The following AGBL1 variants were observed in gnomAD, a reference collection of about 807,000 sequenced individuals.
The protein encoded by AGBL1 is cytosolic carboxypeptidase 4.
In AGBL1, 130 loss-of-function variants were observed where a neutral mutation model predicts 118.9. The ratio of observed to expected loss-of-function variants is 1.09; its 90% confidence interval spans 0.95 to 1.26. The LOEUF (loss-of-function observed/expected upper bound fraction) is 1.26. Ranked by LOEUF, AGBL1 falls within the 50% of genes most tolerant of loss-of-function variation. The pLI is 0.00. For missense variants in AGBL1, 1,584 were observed against 1,298.1 expected (o/e 1.22, Z -3.38); for synonymous variants, 555 against 478.9 (o/e 1.16, Z -2.08).
rs148262880 is a variant in AGBL1, at chr15:86,320,587, T to C, written c.2374+25179T>C. 4.1e-3 allele frequency among the ~76,000 whole-genome samples: 631 copies of C among 152,276 alleles called. 6 individuals carry two copies. Among genetic ancestry groups the C allele is most frequent in the African/African-American group, 0.014 (589 of 41,556 alleles). The stretch of plus-strand genomic sequence containing the variant: ...CTTTGCTTCTGTTATATTCTTTATT[T>C]TCTCTTTTTTATGATTCAGAACAAT... On this transcript the variant is annotated intron_variant, in intron 17 of 22. Coordinates refer to ENST00000614907, the MANE Select transcript of AGBL1 (RefSeq NM_001386094.1).
intron 24 of AGBL1, among the ~76,000 whole-genome samples, chr15:87,005,299 T>A (rs2081486707): frequency 1.3e-5 from 2 of 152,200 alleles, no homozygotes. Context: ...CAACTTGGTT[T>A]CATTCTCCCT....
chr15:86,664,279 G>A (rs1029037899), intron 21 of AGBL1, among the ~76,000 whole-genome samples: 2 of 152,174 alleles, frequency 1.3e-5, no homozygotes, highest in Admixed American at 1.3e-4. Context: ...AAGCATTAGA[G>A]TCCATTTGTT....
At chr15:86,093,541 C>T (rs886809376) in intron 1 of AGBL1, among the ~76,000 whole-genome samples, 11 of 152,096 alleles carry the variant, frequency 7.2e-5, no homozygotes, top group South Asian at 2.1e-4. Flanking sequence ...AAATTTTTGA[C>T]AGTGAACTAC....
At position 86,915,711 on chromosome 15, in the gene AGBL1, A is replaced by G. The variant is rs77573051; in HGVS notation, c.*8417A>G. 6,729 of 152,282 alleles carry G rather than the reference A, an allele frequency of 0.044. 174 individuals are homozygous for G. Among genetic ancestry groups the G allele is most frequent in the Non-Finnish European group, 0.064 (4,383 of 68,018 alleles). The allele number at this position is 152,282 out of a possible 1,614,324, so 9.4% of individuals were successfully genotyped here. On this transcript the variant is annotated 3_prime_UTR_variant, in exon 23 of 23. Transcript: ENST00000614907. The stretch of plus-strand genomic sequence containing the variant: ...CAAAGACAATTTTGTTCACTGCTAC[A>G]TCCTGAGAGCCTAGCATCGTGCCCA...
intron 22 of AGBL1, among the ~76,000 whole-genome samples, chr15:86,771,868 C>G (rs2078187130): frequency 1.3e-5 from 2 of 151,954 alleles, no homozygotes; most frequent in South Asian, 4.1e-4. Context: ...CCTAAGGCTG[C>G]TGGATGGGGA....
At chr15:86,768,617 A>G (rs1567164941) in intron 22 of AGBL1, among the ~76,000 whole-genome samples, 1 of 151,948 alleles carries the variant, frequency 6.6e-6, no homozygotes. Context: ...GGGAAGCCTG[A>G]CCTGACAACC....
At chr15:86,253,140 T>G (rs1442705798) in intron 7 of AGBL1, among the ~76,000 whole-genome samples, 1 of 152,008 alleles carries the variant, frequency 6.6e-6, no homozygotes, top group Non-Finnish European at 1.5e-5. Flanking sequence ...GGCAGAGCAT[T>G]GTGAGTAAGG....
At chr15:86,203,010 G>A (rs1243897947) in intron 5 of AGBL1, among the ~76,000 whole-genome samples, 24 of 152,120 alleles carry the variant, frequency 1.6e-4, no homozygotes. Flanking sequence ...CATGAGCCCA[G>A]GAGTTCAAGG....
At position 86,533,229 on chromosome 15, in the gene AGBL1, A is replaced by G. The variant is rs2083374915; in HGVS notation, c.2685+10290A>G. On this transcript the variant is annotated intron_variant, in intron 19 of 22. Coordinates refer to ENST00000614907, the MANE Select transcript of AGBL1 (RefSeq NM_001386094.1). ...CCTACTCATCTGACAAAGGGCTAAT[A>G]TCCAGAATCTACAATGAACTCAAAC... Among the ~76,000 whole-genome samples the G allele has an allele frequency of 2.3e-5, 2 of 87,592 alleles. 1 individual carries two copies. The highest frequency in any genetic ancestry group is 7.3e-4 in the South Asian group (2 of 2,738). 57.5% of individuals were successfully genotyped at this position (87,592 alleles called of 152,430 possible).
chr15:86,306,547 C>G (rs1460009081), intron 17 of AGBL1, among the ~76,000 whole-genome samples: 3 of 151,990 alleles, frequency 2.0e-5, no homozygotes, highest in Non-Finnish European at 4.4e-5. Context: ...ACCACGTTTT[C>G]TTTATTCATT....
intron 5 of AGBL1, among the ~76,000 whole-genome samples, chr15:86,176,148 G>A (rs2077478949): frequency 6.6e-6 from 1 of 152,206 alleles, no homozygotes; most frequent in African/African-American, 2.4e-5. Flanking sequence ...GGGTAGAGCA[G>A]GTTAATCTCC....
chr15:86,270,691 T>G (rs1597658439), intron 14 of AGBL1, among the ~76,000 whole-genome samples: 3 of 152,190 alleles, frequency 2.0e-5, no homozygotes, highest in Non-Finnish European at 2.9e-5. Flanking sequence ...TATTTTGTAG[T>G]GACTAAACAG....
chr15:86,615,502 G>A lies in AGBL1; in HGVS notation c.2995-58771G>A, dbSNP rs548099950. On this transcript the variant is annotated intron_variant, in intron 21 of 22. Transcript: ENST00000614907. This position sits in a 1 kb window ranked among gnomAD's most constrained non-coding sequence, Gnocchi z 4.3. ...CACAAATTGCAGGAACAGATGTAGA[G>A]GAAATGAAAAATATTCCTTGTGCTA... is the stretch of plus-strand genomic sequence containing the variant. 6.6e-5 allele frequency among the ~76,000 whole-genome samples: 10 copies of A among 152,292 alleles called. No individual in the cohort carries two copies. The South Asian group carries it at 2.1e-3, about 32-fold the overall frequency.
chr15:86,874,983 A>G (rs2079786702), intron 22 of AGBL1, among the ~76,000 whole-genome samples: 1 of 152,130 alleles, frequency 6.6e-6, no homozygotes. Context: ...TAGGGACCTG[A>G]CAAGTGACAA....
chr15:86,904,601 T>C (rs2080256182), intron 22 of AGBL1, among the ~76,000 whole-genome samples: 1 of 148,508 alleles, frequency 6.7e-6, no homozygotes, highest in African/African-American at 2.4e-5. Flanking sequence ...GTATTATATA[T>C]TCTATTTGTA....
intron 17 of AGBL1, among the ~76,000 whole-genome samples, chr15:86,387,569 G>A (rs2081215888): frequency 6.6e-6 from 1 of 152,198 alleles, no homozygotes; most frequent in East Asian, 1.9e-4. Flanking sequence ...GGGGCTTGAA[G>A]GTCCTGAACA....
At chr15:86,429,542 C>T (rs2081909724) in intron 18 of AGBL1, among the ~76,000 whole-genome samples, 1 of 152,346 alleles carries the variant, frequency 6.6e-6, no homozygotes, top group African/African-American at 2.4e-5. Context: ...GGTAGGGCAA[C>T]AGGCAAGTGT....
intron 24 of AGBL1, among the ~76,000 whole-genome samples, chr15:86,990,035 C>T (rs1005126114): frequency 6.6e-6 from 1 of 152,080 alleles, no homozygotes; most frequent in Non-Finnish European, 1.5e-5. Flanking sequence ...GGGCCATGGC[C>T]AGAACTTTGG....
At chr15:86,649,677 C>T (rs1464676403) in intron 21 of AGBL1, among the ~76,000 whole-genome samples, 15 of 147,982 alleles carry the variant, frequency 1.0e-4, no homozygotes, top group Non-Finnish European at 2.1e-4. Context: ...TTCCTTCTAT[C>T]TTTTTAATGC....
Sources: allele counts gnomAD v4.1 joint callset (sites outside exome capture counted in the v4.1 genomes callset), GRCh38; gene constraint gnomAD v4.1.1; non-coding constraint Gnocchi (gnomAD v3.1); transcripts MANE v1.5; gene names NCBI Gene and HGNC (gene_info 2026-07-23, HGNC 2026-07-21).